Variants in ROBO1 observed in about 807,000 individuals in gnomAD.
ROBO1 encodes the protein roundabout homolog 1.
ROBO1 carries 149 observed loss-of-function variants against 195.9 expected under a neutral mutation model. The observed-to-expected ratio is 0.76, with a 90% CI of 0.67 to 0.87. ROBO1 has a LOEUF of 0.87. Among genes scored for constraint, ROBO1 ranks in the 40% least tolerant of loss-of-function variants. The pLI is 0.00. For synonymous variants in ROBO1, 816 were observed against 733.2 expected (o/e 1.11, Z -1.82); for missense variants, 1,933 against 2,068.3 (o/e 0.93, Z 1.27).
chr3:79,070,286 A>T (rs1430998292), intron 3 of ROBO1, among the ~76,000 whole-genome samples: 1 of 151,884 alleles, frequency 6.6e-6, no homozygotes, highest in Non-Finnish European at 1.5e-5. Flanking sequence ...GATATACAAT[A>T]TTTACTCATT....
chr3:79,418,717 T>C (rs1374754466), intron 2 of ROBO1, among the ~76,000 whole-genome samples: 1 of 152,170 alleles, frequency 6.6e-6, no homozygotes, highest in Non-Finnish European at 1.5e-5. Context: ...GATAGATGAA[T>C]TGGAACACTG....
At chr3:78,957,699 A>G (rs2041120944) in intron 3 of ROBO1, among the ~76,000 whole-genome samples, 1 of 152,202 alleles carries the variant, frequency 6.6e-6, no homozygotes, top group South Asian at 2.1e-4. Flanking sequence ...CTGGATATGG[A>G]TTTAAACCGA....
chr3:78,999,249 A>G (rs2077439746), intron 3 of ROBO1, among the ~76,000 whole-genome samples: 1 of 152,122 alleles, frequency 6.6e-6, no homozygotes, highest in South Asian at 2.1e-4. Context: ...AAAAAGATAA[A>G]TACACTTGCA....
At chr3:79,494,670 G>A (rs1939635339) in intron 2 of ROBO1, among the ~76,000 whole-genome samples, 2 of 150,184 alleles carry the variant, frequency 1.3e-5, no homozygotes, top group South Asian at 4.2e-4. Context: ...GAGGAGAATA[G>A]TAAAGAAAGC....
intron 3 of ROBO1, among the ~76,000 whole-genome samples, chr3:79,090,687 C>T (rs551433130): frequency 2.4e-4 from 37 of 152,150 alleles, no homozygotes; most frequent in Admixed American, 1.4e-3. Context: ...ATTTTCTTAT[C>T]GGTAAAATGA....
intron 2 of ROBO1, among the ~76,000 whole-genome samples, chr3:79,241,084 A>G (rs2082507684): frequency 6.6e-6 from 1 of 152,190 alleles, no homozygotes; most frequent in Admixed American, 6.5e-5. Flanking sequence ...ACTAAAATTG[A>G]GTTCTTCTAG....
intron 2 of ROBO1, among the ~76,000 whole-genome samples, chr3:79,554,871 A>G (rs778143879): frequency 6.6e-6 from 1 of 152,118 alleles, no homozygotes; most frequent in Non-Finnish European, 1.5e-5. Context: ...TTACTGTGAG[A>G]AGTAACACAG....
At chr3:79,019,165 G>A in intron 3 of ROBO1, 1 of 986,690 alleles carries the variant, frequency 1.0e-6, no homozygotes, top group Non-Finnish European at 1.2e-6. Context: ...ACGTCTTCTG[G>A]GCGCCCCCAG....
intron 3 of ROBO1, among the ~76,000 whole-genome samples, chr3:78,987,798 G>A (rs769544168): frequency 5.9e-5 from 9 of 151,970 alleles, no homozygotes; most frequent in Non-Finnish European, 1.2e-4. Context: ...AAATGTGTGA[G>A]GTGATGGATA....
At chr3:78,766,121 G>A (rs549781361) in intron 4 of ROBO1, among the ~76,000 whole-genome samples, 2 of 152,132 alleles carry the variant, frequency 1.3e-5, no homozygotes, top group African/African-American at 2.4e-5. Flanking sequence ...TTAAAATGCC[G>A]GCCTGAATAA....
At position 79,062,260 on chromosome 3, in the gene ROBO1, C is replaced by T. The variant is rs532369405; in HGVS notation, c.172+63196G>A. On this transcript the variant is annotated intron_variant, in intron 3 of 30. Transcript: ENST00000464233. ...ACATATGAAAAAATGCTCATCATCA[C>T]TGGTCATTAGAGAAATGCAAATCAA... Among the ~76,000 whole-genome samples, 224 of 152,270 alleles carry T rather than the reference C, an allele frequency of 1.5e-3. 1 individual carries two copies. The highest frequency in any genetic ancestry group is 5.2e-3 in the African/African-American group (216 of 41,574).
rs373196425 is a variant in ROBO1 at position 79,332,218 on chromosome 3, C to T, written c.89-206679G>A. ...TGATGACCTAAAAAAAAAAAAAATA[C>T]CATGCAGGTACTAACAAGTGCTAAC... is the stretch of plus-strand genomic sequence containing the variant. On this transcript the variant is annotated intron_variant, in intron 2 of 30. Transcript: ENST00000464233. Among the ~76,000 whole-genome samples, 912 of 144,862 alleles carry T rather than the reference C, an allele frequency of 6.3e-3. 14 individuals carry two copies. The highest frequency in any genetic ancestry group is 0.022 in the African/African-American group (866 of 38,686).
chr3:78,706,964 G>T (rs1003089910), intron 8 of ROBO1, among the ~76,000 whole-genome samples: 8 of 152,100 alleles, frequency 5.3e-5, no homozygotes, highest in Non-Finnish European at 7.4e-5. Flanking sequence ...TTCAGCTTCT[G>T]ATGTCTGGTC....
intron 1 of ROBO1, among the ~76,000 whole-genome samples, chr3:79,622,592 C>T (rs1945042515): frequency 6.6e-6 from 1 of 152,174 alleles, no homozygotes; most frequent in East Asian, 1.9e-4. Context: ...CCTCTTGAGG[C>T]CTGACCCTGA....
intron 10 of ROBO1, among the ~76,000 whole-genome samples, chr3:78,673,497 A>AAAATATATAAAATAATATATAATATATAT (rs1708186708): frequency 8.5e-5 from 12 of 141,262 alleles, no homozygotes; most frequent in Admixed American, 3.7e-4. Context: ...ATAAATATAT[A>AAAATATATAAAATAATATATAATATATAT]AAATATATAA....
intron 1 of ROBO1, among the ~76,000 whole-genome samples, chr3:79,734,952 C>T (rs190796198): frequency 6.6e-6 from 1 of 152,324 alleles, no homozygotes; most frequent in Admixed American, 6.5e-5. Flanking sequence ...CTTGGTGATT[C>T]TAACACGTAG....
intron 2 of ROBO1, among the ~76,000 whole-genome samples, chr3:79,272,808 A>G (rs894136874): frequency 4.6e-5 from 7 of 152,084 alleles, no homozygotes; most frequent in African/African-American, 1.4e-4. Context: ...CTACCTCAAC[A>G]TTGAATAACC....
At chr3:78,911,657 A>T (rs945438526) in intron 4 of ROBO1, among the ~76,000 whole-genome samples, 4 of 152,166 alleles carry the variant, frequency 2.6e-5, no homozygotes, top group Admixed American at 2.6e-4. Flanking sequence ...GCCTTTGGGG[A>T]ATTTTGAGAA....
intron 3 of ROBO1, among the ~76,000 whole-genome samples, chr3:79,021,434 T>C (rs1365360747): frequency 6.6e-6 from 1 of 152,140 alleles, no homozygotes; most frequent in Non-Finnish European, 1.5e-5. Context: ...TTTCACTTAG[T>C]AATGGGGGTA....
Sources: allele counts gnomAD v4.1 joint callset (sites outside exome capture counted in the v4.1 genomes callset), GRCh38; gene constraint gnomAD v4.1.1; transcripts MANE v1.5; gene names NCBI Gene and HGNC (gene_info 2026-07-23, HGNC 2026-07-21).